The following TTC39C variants were observed in gnomAD, a reference collection of about 807,000 sequenced individuals.
The protein encoded by TTC39C is tetratricopeptide repeat domain 39C.
Under a neutral mutation model 76.3 loss-of-function variants are expected in TTC39C, and 33 were observed. The observed-to-expected ratio is 0.43, with a 90% confidence interval of 0.33 to 0.58. The LOEUF is 0.58. Ranked by LOEUF, TTC39C falls within the 20% of genes least tolerant of loss-of-function variation. The probability of loss-of-function intolerance (pLI) is 0.04; values close to 1 mark genes in which losing one functional copy is unlikely to be tolerated. For missense variants in TTC39C, 595 were observed against 701.4 expected, an observed-to-expected ratio of 0.85 and a Z score of 1.71; for synonymous variants, 254 against 260.6, an observed-to-expected ratio of 0.97 and a Z score of 0.24.
At chr18:24,114,791 C>T in intron 7 of TTC39C, 144 bp downstream of exon 7, 1 of 584,288 alleles carries the variant, frequency 1.7e-6, no homozygotes, top group Non-Finnish European at 3.0e-6. Context: ...GTAGCACATG[C>T]AATGATACTT....
intron 1 of TTC39C, among the ~76,000 whole-genome samples, chr18:23,997,313 G>A (rs781255977): frequency 2.6e-5 from 4 of 152,098 alleles, no homozygotes; most frequent in Non-Finnish European, 4.4e-5. Context: ...CACTTTGGGA[G>A]GCCAAGGCAG....
At chr18:24,098,915 A>T (rs1171051109) in intron 6 of TTC39C, among the ~76,000 whole-genome samples, 1 of 151,272 alleles carries the variant, frequency 6.6e-6, no homozygotes, top group Non-Finnish European at 1.5e-5. Flanking sequence ...TACAGGCATG[A>T]GTCACTGCGC....
Position 24,130,426 on chromosome 18 carries a change from TTATATA to T in TTC39C, c.1623+14_1623+19del, listed in dbSNP as rs2085111168. Reference sequence around the variant, plus strand: ...TATTAGACAAACCAGAGGTAAGATCTTATATATATAATATAATATATATTTTTAATG... The same window carrying T: ...TATTAGACAAACCAGAGGTAAGATCTTATAATATAATATATATTTTTAATG... On this transcript the variant is annotated intron_variant, in intron 12 of 13. Transcript: ENST00000317571. 4 of 1,197,454 alleles carry T rather than the reference TTATATA, an allele frequency of 3.3e-6. No individual in the cohort carries two copies. The highest frequency in any genetic ancestry group is 5.5e-5 in the Admixed American group (2 of 36,262). 74.2% of individuals were successfully genotyped at this position (1,197,454 alleles called of 1,614,324 possible). A position where few individuals can be genotyped will look rare whatever the true frequency, so the allele number is the denominator to read the frequency against.
upstream of TTC39C, among the ~76,000 whole-genome samples, chr18:24,012,216 C>CATG (rs976570406): frequency 6.6e-6 from 1 of 152,146 alleles, no homozygotes; most frequent in African/African-American, 2.4e-5. Context: ...AATGTCCCTT[C>CATG]ATGATGATGA....
intron 2 of TTC39C, among the ~76,000 whole-genome samples, chr18:24,064,950 G>T (rs1360072072): frequency 6.6e-6 from 1 of 152,210 alleles, no homozygotes; most frequent in Non-Finnish European, 1.5e-5. Context: ...CAACAAAAAT[G>T]TTAACGGCTA....
intron 1 of TTC39C, among the ~76,000 whole-genome samples, chr18:24,060,313 G>GTTTTTTTTTTT (rs1294806136): frequency 1.1e-5 from 1 of 89,242 alleles, no homozygotes; most frequent in Non-Finnish European, 2.1e-5. Context: ...TTGCGTTTCT[G>GTTTTTTTTTTT]TTTTTTTTTT....
At chr18:24,052,208 TGA>T (rs1426260318) in intron 1 of TTC39C, among the ~76,000 whole-genome samples, 1 of 152,224 alleles carries the variant, frequency 6.6e-6, no homozygotes, top group Non-Finnish European at 1.5e-5. Flanking sequence ...GATGATGACG[TGA>T]GTCAGAGTAA....
chr18:24,108,595 T>A (rs2145800352), intron 6 of TTC39C, among the ~76,000 whole-genome samples: 1 of 152,358 alleles, frequency 6.6e-6, no homozygotes, highest in Non-Finnish European at 1.5e-5. Context: ...TTTTGTATCT[T>A]CATATTTATA....
At chr18:24,097,854 GC>G (rs1457519318) in intron 6 of TTC39C, among the ~76,000 whole-genome samples, 1 of 151,996 alleles carries the variant, frequency 6.6e-6, no homozygotes, top group African/African-American at 2.4e-5. Context: ...TCTGATAGGG[GC>G]TCTTTTCAAG....
intron 1 of TTC39C, among the ~76,000 whole-genome samples, chr18:24,060,260 C>T (rs1033733202): frequency 6.6e-6 from 1 of 151,168 alleles, no homozygotes; most frequent in African/African-American, 2.4e-5. Context: ...TTAATAATAA[C>T]CATTCTGACT....
intron 4 of TTC39C, among the ~76,000 whole-genome samples, chr18:24,071,395 T>A (rs564846931): frequency 1.2e-4 from 18 of 152,338 alleles, no homozygotes; most frequent in African/African-American, 4.3e-4. Context: ...GTATTTATAG[T>A]TAAGATTATT....
intron 6 of TTC39C, among the ~76,000 whole-genome samples, chr18:24,084,668 C>G (rs1485771872): frequency 6.6e-6 from 1 of 151,294 alleles, no homozygotes; most frequent in East Asian, 1.9e-4. Flanking sequence ...TTTTTCTTTT[C>G]CTTTTTGAGA....
At chr18:24,016,052 A>G (rs2083451163) in intron 1 of TTC39C, among the ~76,000 whole-genome samples, 2 of 152,218 alleles carry the variant, frequency 1.3e-5, no homozygotes, top group South Asian at 4.1e-4. Flanking sequence ...TGTGACCGGG[A>G]GACAGAGTCT....
At chr18:24,052,526 T>C (rs1431915369) in intron 1 of TTC39C, among the ~76,000 whole-genome samples, 1 of 141,222 alleles carries the variant, frequency 7.1e-6, no homozygotes, top group Non-Finnish European at 1.6e-5. Flanking sequence ...GATTTTAAAA[T>C]TAAATATCTT....
intron 1 of TTC39C, among the ~76,000 whole-genome samples, chr18:24,056,101 T>C (rs928941673): frequency 2.0e-5 from 3 of 152,182 alleles, no homozygotes; most frequent in African/African-American, 7.2e-5. Context: ...TTTTGCTAAT[T>C]GTACACAGTT....
intron 6 of TTC39C, among the ~76,000 whole-genome samples, chr18:24,096,273 A>G (rs1169857365): frequency 1.3e-5 from 2 of 152,226 alleles, no homozygotes. Flanking sequence ...TGTGAAGTGC[A>G]ATAAAATGAG....
chr18:24,125,567 A>T lies in TTC39C; in HGVS notation c.1420+17A>T. The T allele has an allele frequency of 6.2e-7, 1 of 1,613,978 alleles. No homozygotes were observed. Among genetic ancestry groups the T allele is most frequent in the Non-Finnish European group, 8.5e-7 (1 of 1,179,908 alleles). On this transcript the variant is annotated intron_variant, in intron 10 of 13. Transcript: ENST00000317571. ...TGAGTCAAGGTAAAAAATTTAAAAA[A>T]ACCCAAAACTGTCTACTGGACACAC...
intron 1 of TTC39C, among the ~76,000 whole-genome samples, chr18:24,030,417 G>A (rs1257554665): frequency 2.0e-5 from 3 of 152,126 alleles, no homozygotes; most frequent in African/African-American, 7.2e-5. Flanking sequence ...TTGAGACTTA[G>A]CAATAAATGA....
At chr18:24,087,420 C>G (rs532908536) in intron 6 of TTC39C, among the ~76,000 whole-genome samples, 15 of 152,096 alleles carry the variant, frequency 9.9e-5, no homozygotes, top group Non-Finnish European at 1.8e-4. Context: ...TAAATACATA[C>G]TTTCACACAC....
Sources: gnomAD v4.1 joint callset for allele counts (sites outside exome capture counted in the v4.1 genomes callset) on GRCh38, gnomAD v4.1.1 for gene constraint, MANE v1.5 for transcripts, NCBI Gene and HGNC (gene_info 2026-07-23, HGNC 2026-07-21) for gene names.